SHROOM2: variants seen among roughly 807,000 people sequenced by gnomAD.
SHROOM2 encodes the protein shroom family member 2.
In SHROOM2, 33 loss-of-function variants were observed where a neutral mutation model predicts 75.9. The ratio of observed to expected loss-of-function variants is 0.43; its 90% CI spans 0.33 to 0.58. The LOEUF (loss-of-function observed/expected upper bound fraction) is 0.58. SHROOM2 is among the 20% of genes least tolerant of loss of function. The pLI, the probability that SHROOM2 is intolerant of heterozygous loss-of-function variation, is 0.04. For missense variants in SHROOM2, 1,434 were observed against 1,461.2 expected, an observed-to-expected ratio of 0.98 and a Z score of 0.30; for synonymous variants, 655 against 663.6, an observed-to-expected ratio of 0.99 and a Z score of 0.20.
At chrX:9,857,065 C>T (rs889206228) in intron 1 of SHROOM2, among the ~76,000 whole-genome samples, 3 of 112,084 alleles carry the variant, frequency 2.7e-5, no homozygotes, top group Admixed American at 9.5e-5. Flanking sequence ...TCCTGGAGAA[C>T]GTGGGACTTG....
intron 1 of SHROOM2, among the ~76,000 whole-genome samples, chrX:9,789,451 T>G (rs2083635331): frequency 9.0e-6 from 1 of 111,535 alleles, no homozygotes; most frequent in South Asian, 3.8e-4. Flanking sequence ...AACCCATATT[T>G]CCATGCTGTT....
rs774052430 is a variant in SHROOM2 at position 9,896,347 on chromosome X, C to T, written c.2439C>T (p.Ala813=). The change falls in exon 4 of 10, where the codon GCC becomes GCT. Residue 813 remains alanine (A), a synonymous_variant. Coordinates refer to ENST00000380913, the MANE Select transcript of SHROOM2 (RefSeq NM_001649.4). ...ETSKPVPQRP[A]QKQALHGIPR... ...GCAAACCTGTTCCCCAGAGGCCTGC[C>T]CAGAAGCAAGCTCTTCACGGAATCC... 4.1e-6 allele frequency: 5 copies of T among 1,212,196 alleles called. No individual in the cohort carries two copies. In the South Asian group the frequency reaches 7.0e-5, roughly 17 times the overall value.
At chrX:9,905,657 G>A (rs1182364986) in intron 5 of SHROOM2, among the ~76,000 whole-genome samples, 2 of 113,096 alleles carry the variant, frequency 1.8e-5, no homozygotes, top group Non-Finnish European at 3.7e-5. Flanking sequence ...TGTCCTCTTT[G>A]CCAGTTTAAA....
chrX:9,838,826 T>C (rs1227229669), intron 1 of SHROOM2, among the ~76,000 whole-genome samples: 1 of 111,833 alleles, frequency 8.9e-6, no homozygotes, highest in Non-Finnish European at 1.9e-5. Flanking sequence ...AACCATCCAC[T>C]GGGATGCAGC....
chrX:9,792,050 A>G (rs1428233216), intron 1 of SHROOM2, among the ~76,000 whole-genome samples: 3 of 1,897 alleles, frequency 1.6e-3, no homozygotes, highest in Admixed American at 0.019. Flanking sequence ...AGAATAGAAT[A>G]GAATAGAATA....
chrX:9,889,070 T>G (rs1256840018), intron 2 of SHROOM2, among the ~76,000 whole-genome samples: 3 of 112,127 alleles, frequency 2.7e-5, no homozygotes, highest in Non-Finnish European at 5.6e-5. Flanking sequence ...AAAATGAAAT[T>G]CACATGGCCA....
rs1230062062 is a variant in SHROOM2 at position 9,932,272 on chromosome X, C to T, written c.2989C>T (p.His997Tyr). ...PNPPTFSELS[H>Y]CRGAPELPRE... ...CCCACCCACATTCTCTGAACTATCT[C>T]ACTGCCGGGGAGCCCCAGAGCTGCC... The change falls in exon 6 of 10, where the codon CAC becomes TAC. Residue 997 changes from histidine to tyrosine, a missense_variant. Coordinates refer to ENST00000380913, the MANE Select transcript of SHROOM2 (RefSeq NM_001649.4). 7.5e-6 allele frequency: 9 copies of T among 1,198,809 alleles called. No homozygotes were observed. Among genetic ancestry groups the T allele is most frequent in the Non-Finnish European group, 1.0e-5 (9 of 888,042 alleles).
chrX:9,792,618 C>A (rs1442889825), intron 1 of SHROOM2, among the ~76,000 whole-genome samples: 3 of 109,924 alleles, frequency 2.7e-5, no homozygotes, highest in Non-Finnish European at 5.7e-5. Context: ...ACTTTCAGAT[C>A]AAAGGCAAAT....
intron 1 of SHROOM2, among the ~76,000 whole-genome samples, chrX:9,823,793 C>G (rs1601928694): frequency 1.2e-5 from 1 of 80,266 alleles, no homozygotes; most frequent in African/African-American, 4.8e-5. Flanking sequence ...GGGTCTTGCT[C>G]GTTTGCCCAG....
chrX:9,924,510 C>T (rs1178734658), intron 5 of SHROOM2, among the ~76,000 whole-genome samples: 2 of 111,297 alleles, frequency 1.8e-5, no homozygotes, highest in Middle Eastern at 4.6e-3. Flanking sequence ...TGCCCACCAC[C>T]ATGCCTGGCT....
intron 1 of SHROOM2, among the ~76,000 whole-genome samples, chrX:9,790,630 T>A (rs144817503): frequency 8.9e-6 from 1 of 111,732 alleles, no homozygotes; most frequent in African/African-American, 3.3e-5. Flanking sequence ...ACTCACTTTT[T>A]GATGCCAGCT....
At chrX:9,822,824 A>G (rs1422006002) in intron 1 of SHROOM2, among the ~76,000 whole-genome samples, 1 of 111,542 alleles carries the variant, frequency 9.0e-6, no homozygotes, top group Non-Finnish European at 1.9e-5. Flanking sequence ...AGGAGTGCTC[A>G]GTGCCTCCGG....
intron 5 of SHROOM2, among the ~76,000 whole-genome samples, chrX:9,900,595 A>ATATT (rs963922813): frequency 8.9e-6 from 1 of 112,079 alleles, no homozygotes; most frequent in Non-Finnish European, 1.9e-5. Flanking sequence ...AACCAAATAG[A>ATATT]GATAACATTT....
chrX:9,933,715 G>A (rs1602016532), intron 6 of SHROOM2, among the ~76,000 whole-genome samples: 1 of 112,346 alleles, frequency 8.9e-6, no homozygotes, highest in African/African-American at 3.2e-5. Flanking sequence ...GGTCGAGGCT[G>A]CAGTAAGCCA....
intron 1 of SHROOM2, among the ~76,000 whole-genome samples, chrX:9,790,623 C>T (rs1042629240): frequency 1.8e-5 from 2 of 111,407 alleles, no homozygotes; most frequent in African/African-American, 6.5e-5. Context: ...AAGCTTTACT[C>T]ACTTTTTGAT....
rs2084828272 is a variant in SHROOM2 at position 9,947,085 on chromosome X, G to A, written c.*148G>A. 1.4e-5 allele frequency: 8 copies of A among 584,694 alleles called. No homozygotes were observed. The highest frequency in any genetic ancestry group is 1.1e-3 in the Middle Eastern group (2 of 1,793). The allele number at this position is 584,694 out of a possible 1,213,427, so 48.2% of individuals were successfully genotyped here. The stretch of plus-strand genomic sequence containing the variant: ...GGCTGTTATAAAAGCAATAACTTTT[G>A]TGTTTGTGTGGGATGATTTATTTAA... On this transcript the variant is annotated 3_prime_UTR_variant, in exon 10 of 10. Transcript: ENST00000380913.
Position 9,787,737 on chromosome X carries a change from A to G in SHROOM2, c.165+1027A>G, listed in dbSNP as rs1341273518. Reference sequence around the variant, plus strand: ...ATGAGACACCAGCGTCTTCCATTCTATATTTTCTGTCGCTTTTATGATTAC... The same window carrying G: ...ATGAGACACCAGCGTCTTCCATTCTGTATTTTCTGTCGCTTTTATGATTAC... On this transcript the variant is annotated intron_variant, in intron 1 of 9. Transcript: ENST00000380913. Among the ~76,000 whole-genome samples the G allele has an allele frequency of 2.7e-5, 3 of 112,250 alleles. No individual in the cohort carries two copies. In the East Asian group the frequency reaches 8.4e-4, roughly 31 times the overall value.
chrX:9,833,608 C>CTCTGTGTGTGTGTGTG, intron 1 of SHROOM2, among the ~76,000 whole-genome samples: 1 of 95,358 alleles, frequency 1.0e-5, no homozygotes, highest in East Asian at 3.7e-4. Flanking sequence ...CAAGTAGACT[C>CTCTGTGTGTGTGTGTG]TGTGTGTGTG....
chrX:9,932,486 C>G lies in SHROOM2; in HGVS notation c.3203C>G (p.Pro1068Arg). The change falls in exon 6 of 10, where the codon CCC becomes CGC. Residue 1068 changes from proline to arginine, a missense_variant. Physicochemically the swap from Pro to Arg is moderately radical, Grantham distance 103. Coordinates refer to ENST00000380913, the MANE Select transcript of SHROOM2 (RefSeq NM_001649.4). Reference protein sequence around the residue: ...KRPAPQRPPPPKREPRRYRAT... With the variant: ...KRPAPQRPPPRKREPRRYRAT... ...CCAGCCCCACAGAGGCCACCGCCAC[C>G]CAAGCGCGAGCCCAGGAGATACAGG... 1.7e-6 allele frequency: 2 copies of G among 1,208,335 alleles called. No homozygotes were observed. The highest frequency in any genetic ancestry group is 1.1e-6 in the Non-Finnish European group (1 of 893,649).
Sources: gnomAD v4.1 joint callset for allele counts (sites outside exome capture counted in the v4.1 genomes callset) on GRCh38, gnomAD v4.1.1 for gene constraint, MANE v1.5 for transcripts, NCBI Gene and HGNC (gene_info 2026-07-23, HGNC 2026-07-21) for gene names.